Variants in HAS2 observed in about 807,000 individuals in gnomAD.
The protein encoded by HAS2 is hyaluronan synthase 2.
A neutral mutation model predicts 51.6 loss-of-function variants in HAS2; 16 were observed. The observed-to-expected ratio is 0.31, with a 90% confidence interval of 0.21 to 0.47. HAS2 has a LOEUF of 0.47. Among genes scored for constraint, HAS2 ranks in the 20% least tolerant of loss-of-function variants. The probability of loss-of-function intolerance (pLI) is 1.00; values close to 1 mark genes in which losing one functional copy is unlikely to be tolerated. For synonymous variants in HAS2, 228 were observed against 235.5 expected (o/e 0.97, Z 0.29); for missense variants, 361 against 662.6 (o/e 0.54, Z 5.00).
At chr8:121,622,230 C>A (rs1812783077) in intron 2 of HAS2, among the ~76,000 whole-genome samples, 1 of 152,088 alleles carries the variant, frequency 6.6e-6, no homozygotes, top group African/African-American at 2.4e-5. Flanking sequence ...CAAATACTTA[C>A]TTAGTAAATA....
Position 121,629,186 on chromosome 8 carries a change from A to C in HAS2, c.155T>G (p.Phe52Cys), listed in dbSNP as rs200191918. The C allele has an allele frequency of 3.1e-6, 5 of 1,614,096 alleles. No homozygotes were observed. In the African/African-American group the frequency reaches 5.3e-5, roughly 17 times the overall value. The change falls in exon 2 of 4, where the codon TTT becomes TGT. Residue 52 changes from phenylalanine (F) to cysteine (C), a missense_variant. By Grantham distance (205) the Phe-to-Cys change is radical (BLOSUM62 -2). This residue lies in a region of HAS2 where 145 missense variants were observed against 217.6 expected (regional missense o/e 0.67). Transcript: ENST00000303924. ...YYFSFGLYGA[F>C]LASHLIIQSL... ...TTGGATGATGAGGTGTGATGCCAAAAAGGCACCATACAGTCCAAAAGAGAA... is the reference window on the plus strand; with the variant it reads ...TTGGATGATGAGGTGTGATGCCAAACAGGCACCATACAGTCCAAAAGAGAA...
In HAS2 at chr8:121,641,158, C is replaced by CTTTTTTTTTTTTTTT. The variant is rs71573616; in HGVS notation, c.-321_-307dup. On this transcript the variant is annotated 5_prime_UTR_variant, in exon 1 of 4. Transcript: ENST00000303924. ...TAACTTTTCTTTTTTCTTTTCTTTT[C>CTTTTTTTTTTTTTTT]TTTTTTTTTTTTTTTTTTTTTTGGG... 19 of 57,012 alleles carry CTTTTTTTTTTTTTTT rather than the reference C, an allele frequency of 3.3e-4. No homozygotes were observed. Among genetic ancestry groups the CTTTTTTTTTTTTTTT allele is most frequent in the African/African-American group, 6.7e-4 (10 of 14,884 alleles). 3.5% of individuals were successfully genotyped at this position (57,012 alleles called of 1,614,324 possible). A position where few individuals can be genotyped will look rare whatever the true frequency, so the allele number is the denominator to read the frequency against.
intron 1 of HAS2, among the ~76,000 whole-genome samples, chr8:121,632,027 C>T (rs185736093): frequency 3.9e-5 from 6 of 152,348 alleles, no homozygotes; most frequent in Admixed American, 3.3e-4. Flanking sequence ...TAAGACTCTA[C>T]AGAATGTCCT....
chr8:121,637,544 C>T (rs1344283058), intron 1 of HAS2, among the ~76,000 whole-genome samples: 2 of 152,010 alleles, frequency 1.3e-5, no homozygotes, highest in African/African-American at 4.8e-5. Context: ...GTGGCCACCA[C>T]CACACCTGGC....
intron 3 of HAS2, among the ~76,000 whole-genome samples, chr8:121,615,979 G>A (rs911395308): frequency 1.3e-5 from 2 of 151,834 alleles, no homozygotes; most frequent in African/African-American, 4.8e-5. Flanking sequence ...CTATTTCTTT[G>A]TCCCTTCTAA....
rs7013984 is a variant in HAS2, at chr8:121,612,374, C to T, written c.*1735G>A. 0.4 allele frequency: 60,454 copies of T among 151,880 alleles called. 12,466 individuals carry two copies. The highest frequency in any genetic ancestry group is 0.5 in the Middle Eastern group (148 of 294). The allele number at this position is 151,880 out of a possible 1,614,324, so 9.4% of individuals were successfully genotyped here. A position where few individuals can be genotyped will look rare whatever the true frequency, so the allele number is the denominator to read the frequency against. ...TCTCCAATCAGTGAGAGTCTTGAGT[C>T]TCAGATGTACCTTTTTGTACTCTGA... is the stretch of plus-strand genomic sequence containing the variant. On this transcript the variant is annotated 3_prime_UTR_variant, in exon 4 of 4. Coordinates refer to ENST00000303924, the MANE Select transcript of HAS2 (RefSeq NM_005328.3).
intron 1 of HAS2, among the ~76,000 whole-genome samples, chr8:121,637,622 C>T (rs1813028856): frequency 1.3e-5 from 2 of 152,114 alleles, no homozygotes; most frequent in South Asian, 4.1e-4. Context: ...AACTTCTGAC[C>T]TCAGGTGATC....
At chr8:121,626,795 G>C (rs1812860144) in intron 2 of HAS2, among the ~76,000 whole-genome samples, 1 of 152,158 alleles carries the variant, frequency 6.6e-6, no homozygotes, top group African/African-American at 2.4e-5. Flanking sequence ...AGAATGCTAA[G>C]AGATTTGTAC....
intron 2 of HAS2, among the ~76,000 whole-genome samples, chr8:121,621,924 A>C (rs1204040752): frequency 2.0e-5 from 3 of 152,116 alleles, no homozygotes; most frequent in African/African-American, 7.2e-5. Context: ...GAGAAATCTT[A>C]ATTACTCTGG....
In HAS2 at chr8:121,614,980, G is replaced by A; in HGVS notation, c.788C>T (p.Ala263Val). 1.2e-6 allele frequency: 2 copies of A among 1,613,276 alleles called. No homozygotes were observed. The highest frequency in any genetic ancestry group is 1.7e-6 in the Non-Finnish European group (2 of 1,179,268). ...CTGACAGGCCCTTTCTATATTAAAA[G>A]CCATCCAATATCTTACACTGCTGAG... ...SFLSSVRYWM[A>V]FNIERACQSY... The change falls in exon 4 of 4, where the codon GCT becomes GTT. Residue 263 changes from alanine to valine, a missense_variant. By Grantham distance (64) the Ala-to-Val change is moderately conservative (BLOSUM62 0). Transcript: ENST00000303924. This position sits in a 1 kb window ranked among gnomAD's most constrained non-coding sequence, Gnocchi z 7.2.
intron 2 of HAS2, among the ~76,000 whole-genome samples, chr8:121,619,356 A>T (rs1812746341): frequency 6.6e-6 from 1 of 152,182 alleles, no homozygotes; most frequent in Non-Finnish European, 1.5e-5. Context: ...TGTGTGGAGT[A>T]TATGGGGCAT....
chr8:121,617,413 T>C (rs1812718264), intron 2 of HAS2, among the ~76,000 whole-genome samples: 1 of 152,186 alleles, frequency 6.6e-6, no homozygotes, highest in African/African-American at 2.4e-5. Context: ...TTTAAGTTAA[T>C]GACATTGCTG....
chr8:121,625,518 T>C (rs951199188), intron 2 of HAS2, among the ~76,000 whole-genome samples: 1 of 131,666 alleles, frequency 7.6e-6, no homozygotes, highest in African/African-American at 3.5e-5. Context: ...TCCCTTCAAC[T>C]TTTTTTTTTT....
chr8:121,615,697 G>A (rs185277891), intron 3 of HAS2, among the ~76,000 whole-genome samples: 32 of 151,940 alleles, frequency 2.1e-4, no homozygotes, highest in Admixed American at 1.8e-3. Context: ...TTCATAACAC[G>A]TAAGATTTGA....
At chr8:121,632,265 T>C (rs1445543522) in intron 1 of HAS2, among the ~76,000 whole-genome samples, 2 of 152,168 alleles carry the variant, frequency 1.3e-5, no homozygotes, top group Admixed American at 1.3e-4. Flanking sequence ...CCCTGGGCAA[T>C]TGCATTGATA....
chr8:121,636,713 A>G (rs569399428), intron 1 of HAS2, among the ~76,000 whole-genome samples: 1 of 152,272 alleles, frequency 6.6e-6, no homozygotes, highest in Non-Finnish European at 1.5e-5. Flanking sequence ...ATGACTTGAC[A>G]TGGAATCTTA....
chr8:121,636,700 CA>C (rs1205058322), intron 1 of HAS2, among the ~76,000 whole-genome samples: 1 of 152,070 alleles, frequency 6.6e-6, no homozygotes, highest in Non-Finnish European at 1.5e-5. Flanking sequence ...AAAAAATTAC[CA>C]AATGACTTGA....
At chr8:121,632,148 A>G (rs1317093698) in intron 1 of HAS2, among the ~76,000 whole-genome samples, 4 of 152,214 alleles carry the variant, frequency 2.6e-5, no homozygotes, top group African/African-American at 9.6e-5. Flanking sequence ...CACACACAGC[A>G]TCTTGGTACA....
In HAS2 at chr8:121,614,282, T is replaced by C. The variant is rs1194127423; in HGVS notation, c.1486A>G (p.Ile496Val). The change falls in exon 4 of 4, where the codon ATT (isoleucine) becomes GTT (valine). Residue 496 changes from isoleucine to valine, a missense_variant. Ile to Val is a conservative substitution (Grantham distance 29, BLOSUM62 3). This residue lies in a region of HAS2 where 61 missense variants were observed against 73.1 expected (regional missense o/e 0.84). Coordinates refer to ENST00000303924, the MANE Select transcript of HAS2 (RefSeq NM_005328.3). This position sits in a 1 kb window ranked among gnomAD's most constrained non-coding sequence, Gnocchi z 7.2. ...AATGGCCTTTTAGACTCCTTATAAA[T>C]GGTGAAAATCACACCACCCAGGAGG... ...TILLGGVIFT[I>V]YKESKRPFSE... The C allele has an allele frequency of 1.2e-6, 2 of 1,614,016 alleles. No individual in the cohort carries two copies. The highest frequency in any genetic ancestry group is 1.3e-5 in the African/African-American group (1 of 74,924).
Sources: allele counts gnomAD v4.1 joint callset (sites outside exome capture counted in the v4.1 genomes callset), GRCh38; gene constraint gnomAD v4.1.1; regional missense constraint gnomAD v4.1.1; non-coding constraint Gnocchi (gnomAD v3.1); transcripts MANE v1.5; gene names NCBI Gene and HGNC (gene_info 2026-07-23, HGNC 2026-07-21).